The following MREG variants were observed in gnomAD, a reference collection of about 807,000 sequenced individuals.
MREG encodes the protein dilute suppressor protein homolog.
A neutral mutation model predicts 28.5 loss-of-function variants in MREG; 31 were observed. That is an observed-to-expected ratio of 1.09 (90% CI 0.82 to 1.47). MREG has a LOEUF of 1.47. MREG is among the 40% of genes most tolerant of loss of function. The pLI is 0.00. For synonymous variants in MREG, 106 were observed against 95.2 expected (o/e 1.11, Z -0.66); for missense variants, 256 against 257.4 (o/e 0.99, Z 0.04).
chr2:215,987,829 G>GGA (rs1693614302), intron 2 of MREG, among the ~76,000 whole-genome samples: 1 of 152,030 alleles, frequency 6.6e-6, no homozygotes, highest in Non-Finnish European at 1.5e-5. Flanking sequence ...CTTGAAACCA[G>GGA]GAGACGGAGG....
intron 1 of MREG, among the ~76,000 whole-genome samples, chr2:216,006,092 G>A (rs1326989617): frequency 1.3e-5 from 2 of 152,188 alleles, no homozygotes; most frequent in African/African-American, 2.4e-5. Flanking sequence ...CATAGGTGGT[G>A]TAGTGATAAA....
At chr2:215,972,553 T>C (rs1229518874) in intron 2 of MREG, among the ~76,000 whole-genome samples, 1 of 148,404 alleles carries the variant, frequency 6.7e-6, no homozygotes, top group Non-Finnish European at 1.5e-5. Flanking sequence ...TGAGGCGAGG[T>C]TGCGGTGAGC....
intron 1 of MREG, among the ~76,000 whole-genome samples, chr2:216,025,903 A>G (rs558342422): frequency 6.6e-6 from 1 of 152,234 alleles, no homozygotes; most frequent in Non-Finnish European, 1.5e-5. Flanking sequence ...TTTCTTTAAC[A>G]TAAGATGAAG....
At chr2:215,996,253 T>C in intron 2 of MREG, 53 bp downstream of exon 2, 3 of 1,525,528 alleles carry the variant, frequency 2.0e-6, no homozygotes, top group Non-Finnish European at 2.6e-6. Context: ...GGAATTACTA[T>C]TTTTTACTAT....
At chr2:215,958,610 TG>T (rs1692697424) in intron 2 of MREG, among the ~76,000 whole-genome samples, 1 of 152,218 alleles carries the variant, frequency 6.6e-6, no homozygotes, top group Middle Eastern at 3.2e-3. Flanking sequence ...CACTGACAAA[TG>T]GCTTAGACTG....
chr2:215,992,564 G>C (rs1389483520), intron 2 of MREG, among the ~76,000 whole-genome samples: 1 of 152,190 alleles, frequency 6.6e-6, no homozygotes, highest in Non-Finnish European at 1.5e-5. Context: ...GTTCTGGCCA[G>C]GGCAATCAGG....
At chr2:215,980,615 T>C (rs925747446) in intron 2 of MREG, among the ~76,000 whole-genome samples, 17 of 152,130 alleles carry the variant, frequency 1.1e-4, no homozygotes, top group African/African-American at 1.7e-4. Context: ...TATTTTTTTA[T>C]TGAGCAATTT....
At chr2:216,027,182 C>T (rs80184545) in intron 1 of MREG, among the ~76,000 whole-genome samples, 4,328 of 152,138 alleles carry the variant, frequency 0.028, 160 homozygotes, top group African/African-American at 0.089. Flanking sequence ...AAAATGTGAA[C>T]GGTGGTATAG....
chr2:215,983,861 T>C (rs1349968282), intron 2 of MREG, among the ~76,000 whole-genome samples: 1 of 152,170 alleles, frequency 6.6e-6, no homozygotes, highest in Non-Finnish European at 1.5e-5. Flanking sequence ...TACAATTACT[T>C]AATAGCCTTA....
intron 2 of MREG, among the ~76,000 whole-genome samples, chr2:215,992,815 T>C (rs1192097273): frequency 2.0e-5 from 3 of 152,138 alleles, no homozygotes; most frequent in East Asian, 1.9e-4. Context: ...CCATTCACAA[T>C]TGCCACAAAG....
chr2:215,987,928 A>T (rs1442118815), intron 2 of MREG, among the ~76,000 whole-genome samples: 5 of 152,130 alleles, frequency 3.3e-5, no homozygotes, highest in Non-Finnish European at 5.9e-5. Context: ...AAAAAAATTT[A>T]AAAAATAAAA....
At chr2:215,966,296 G>C (rs890209037) in intron 2 of MREG, among the ~76,000 whole-genome samples, 9 of 152,116 alleles carry the variant, frequency 5.9e-5, no homozygotes, top group Admixed American at 5.9e-4. Context: ...TTTGACAATG[G>C]GTTTTGCTCA....
intron 2 of MREG, among the ~76,000 whole-genome samples, chr2:215,991,341 A>T (rs1230631379): frequency 6.6e-6 from 1 of 152,202 alleles, no homozygotes; most frequent in African/African-American, 2.4e-5. Flanking sequence ...CTCTGAAACC[A>T]ATGAAAACAA....
intron 2 of MREG, among the ~76,000 whole-genome samples, chr2:215,967,487 T>C (rs1191196705): frequency 2.6e-5 from 4 of 152,232 alleles, no homozygotes; most frequent in African/African-American, 9.6e-5. Flanking sequence ...TTTATACCCA[T>C]AAATGAAAAA....
chr2:215,958,771 T>C (rs376379000), intron 2 of MREG, among the ~76,000 whole-genome samples: 3 of 152,324 alleles, frequency 2.0e-5, no homozygotes, highest in African/African-American at 7.2e-5. Context: ...GGGAGTCTTA[T>C]AGTCCTTTCC....
At chr2:215,948,476 T>A (rs1692379590) in intron 2 of MREG, among the ~76,000 whole-genome samples, 1 of 152,256 alleles carries the variant, frequency 6.6e-6, no homozygotes, top group African/African-American at 2.4e-5. Flanking sequence ...TCTGTGACCT[T>A]GGAAGAGGGC....
At chr2:215,973,790 C>A (rs961401575) in intron 2 of MREG, among the ~76,000 whole-genome samples, 1 of 152,176 alleles carries the variant, frequency 6.6e-6, no homozygotes, top group Non-Finnish European at 1.5e-5. Flanking sequence ...CCATCACAGC[C>A]CTCTCTGAGG....
At position 215,942,817 on chromosome 2, in the gene MREG, TTTA is replaced by T. The variant is rs2105961845; in HGVS notation, c.*2043_*2045del. 1 of 152,740 alleles carries T rather than the reference TTTA, an allele frequency of 6.5e-6. No homozygotes were observed. The highest frequency in any genetic ancestry group is 1.5e-5 in the Non-Finnish European group (1 of 68,034). 9.5% of individuals were successfully genotyped at this position (152,740 alleles called of 1,614,324 possible). A position where few individuals can be genotyped will look rare whatever the true frequency, so the allele number is the denominator to read the frequency against. On this transcript the variant is annotated 3_prime_UTR_variant, in exon 5 of 5. Coordinates refer to ENST00000263268, the MANE Select transcript of MREG (RefSeq NM_018000.3). ...ATACGACATCCTTAGGTTTATTTAT[TTTA>T]TTGTTTGTTTCACTGTTTGAATGTT...
intron 2 of MREG, among the ~76,000 whole-genome samples, chr2:215,992,503 A>G (rs968917015): frequency 4.6e-5 from 7 of 152,350 alleles, no homozygotes; most frequent in African/African-American, 1.7e-4. Context: ...GAAAACCGGC[A>G]CAAGACAAGG....
Sources: gnomAD v4.1 joint callset for allele counts (sites outside exome capture counted in the v4.1 genomes callset) on GRCh38, gnomAD v4.1.1 for gene constraint, MANE v1.5 for transcripts, NCBI Gene and HGNC (gene_info 2026-07-23, HGNC 2026-07-21) for gene names.